Variants in MEX3D observed in about 807,000 individuals in gnomAD.
MEX3D encodes mex-3 RNA binding family member D, also known as RNA-binding protein MEX3D.
MEX3D carries 4 observed loss-of-function variants against 6.3 expected under a neutral mutation model. The observed-to-expected ratio is 0.64, with a 90% CI of 0.31 to 1.46. The LOEUF (loss-of-function observed/expected upper bound fraction) is 1.46, where lower values mean the gene tolerates loss of function less well. Among genes scored for constraint, MEX3D ranks in the 40% most tolerant of loss-of-function variants. The pLI is 0.07. For synonymous variants in MEX3D, 626 were observed against 494.1 expected (o/e 1.27, Z -3.54); for missense variants, 1,038 against 994.4 (o/e 1.04, Z -0.59).
chr19:1,558,049 C>CA (rs35362564), intron 1 of MEX3D, among the ~76,000 whole-genome samples: 10,820 of 83,764 alleles, frequency 0.13, 836 homozygotes, highest in Non-Finnish European at 0.18. Context: ...GACTCCATTT[C>CA]AAAAAAAAAA....
Position 1,555,641 on chromosome 19 carries a change from G to A in MEX3D, c.1878C>T (p.Val626=). 6.3e-7 allele frequency: 1 copy of A among 1,588,922 alleles called. No individual in the cohort carries two copies. The highest frequency in any genetic ancestry group is 8.5e-7 in the Non-Finnish European group (1 of 1,170,310). Residue 626 remains valine, a synonymous_variant, in exon 2 of 2, where the codon GTC becomes GTT. Transcript: ENST00000402693. ...GHNLFCMDCA[V]RICGKSEPEC... The stretch of plus-strand genomic sequence containing the variant: ...CGGGCTCGCTCTTGCCGCAGATGCG[G>A]ACGGCGCAGTCCATGCAGAAGAGGT...
At chr19:1,557,396 C>G (rs1429257022) in intron 1 of MEX3D, among the ~76,000 whole-genome samples, 1 of 151,164 alleles carries the variant, frequency 6.6e-6, no homozygotes, top group Non-Finnish European at 1.5e-5. Flanking sequence ...GAAACCCTGT[C>G]TCTACTAAAA....
In MEX3D at chr19:1,556,592, C is replaced by T; in HGVS notation, c.927G>A (p.Thr309=). The part of the protein sequence containing the change: ...IQQRTHTYIV[T]PGRDKEPVFA... Reference sequence around the variant, plus strand: ...ACACCGGCTCCTTGTCGCGCCCGGGCGTCACGATGTAGGTGTGCGTCCGCT... The same window carrying T: ...ACACCGGCTCCTTGTCGCGCCCGGGTGTCACGATGTAGGTGTGCGTCCGCT... The change falls in exon 2 of 2, where the codon ACG becomes ACA. Residue 309 remains threonine, a synonymous_variant. Transcript: ENST00000402693. This position sits in a 1 kb window ranked among gnomAD's most constrained non-coding sequence, Gnocchi z 7.5. 2 of 1,609,358 alleles carry T rather than the reference C, an allele frequency of 1.2e-6. No individual in the cohort carries two copies. The highest frequency in any genetic ancestry group is 1.7e-6 in the Non-Finnish European group (2 of 1,178,794).
intron 1 of MEX3D, among the ~76,000 whole-genome samples, chr19:1,566,029 G>A (rs1419903318): frequency 6.6e-6 from 1 of 152,216 alleles, no homozygotes; most frequent in Non-Finnish European, 1.5e-5. Context: ...CGGCTTGGAC[G>A]CCTGTCTCCA....
In MEX3D at chr19:1,567,596, C is replaced by G; in HGVS notation, c.463G>C (p.Ala155Pro). 1.4e-6 allele frequency: 2 copies of G among 1,441,128 alleles called. No homozygotes were observed. The highest frequency in any genetic ancestry group is 1.8e-6 in the Non-Finnish European group (2 of 1,093,564). The allele number at this position is 1,441,128 out of a possible 1,614,324, so 89.3% of individuals were successfully genotyped here. A position where few individuals can be genotyped will look rare whatever the true frequency, so the allele number is the denominator to read the frequency against. Residue 155 changes from alanine (A) to proline (P), a missense_variant, in exon 1 of 2, where the codon GCG becomes CCG. Transcript: ENST00000402693. The surrounding 1 kb of genome is among the most constrained non-coding windows in gnomAD (Gnocchi z 6.5). ...AGCAGCGTCGGGGGCCCCAGGGCCG[C>G]GGGGTGGGGCGCGAAGCCCGCGAAC... Reference protein sequence around the residue: ...DVFAGFAPHPAALGPPTLLAD... With the variant: ...DVFAGFAPHPPALGPPTLLAD...
In MEX3D at chr19:1,568,004, C is replaced by T; in HGVS notation, c.55G>A (p.Gly19Ser). The change falls in exon 1 of 2, where the codon GGC becomes AGC. Residue 19 changes from glycine (G) to serine (S), a missense_variant. By Grantham distance (56) the Gly-to-Ser change is moderately conservative. Transcript: ENST00000402693. ...DGGGGGGGGG[G>S]GVGAAGEDPG... Reference sequence around the variant, plus strand: ...TCCTCCCCCGCCGCCCCCACGCCGCCGCCGCCGCCGCCCCCGCCCCCGCCG... The same window carrying T: ...TCCTCCCCCGCCGCCCCCACGCCGCTGCCGCCGCCGCCCCCGCCCCCGCCG... 1.0e-6 allele frequency: 1 copy of T among 978,702 alleles called. No individual in the cohort carries two copies. Among genetic ancestry groups the T allele is most frequent in the Non-Finnish European group, 1.2e-6 (1 of 827,578 alleles). 60.6% of individuals were successfully genotyped at this position (978,702 alleles called of 1,614,324 possible).
chr19:1,568,071 C>T lies in MEX3D; in HGVS notation c.-13G>A. On this transcript the variant is annotated 5_prime_UTR_variant, in exon 1 of 2. Coordinates refer to ENST00000402693, the MANE Select transcript of MEX3D (RefSeq NM_203304.4). ...GCGAGCTGGGCATGGCGGGAGCTAG[C>T]GCTGGGGCCCGCGCTCCTGCCGCCC... is the stretch of plus-strand genomic sequence containing the variant. 3.1e-6 allele frequency: 3 copies of T among 978,218 alleles called. No individual in the cohort carries two copies. Among genetic ancestry groups the T allele is most frequent in the Non-Finnish European group, 3.6e-6 (3 of 827,656 alleles). The allele number at this position is 978,218 out of a possible 1,614,324, so 60.6% of individuals were successfully genotyped here.
rs1914484613 is a variant in MEX3D, at chr19:1,555,277, A to C, written c.*286T>G. 1 of 1,532,952 alleles carries C rather than the reference A, an allele frequency of 6.5e-7. No individual in the cohort carries two copies. Among genetic ancestry groups the C allele is most frequent in the Non-Finnish European group, 8.9e-7 (1 of 1,129,204 alleles). The allele number at this position is 1,532,952 out of a possible 1,614,324, so 95.0% of individuals were successfully genotyped here. ...GGGAGGGGTGTCTAAAAATAAGAAA[A>C]CTAAAAAAAGTGCAAGCGGACCTTT... On this transcript the variant is annotated 3_prime_UTR_variant, in exon 2 of 2. Coordinates refer to ENST00000402693, the MANE Select transcript of MEX3D (RefSeq NM_203304.4).
At chr19:1,561,660 G>A (rs952275995) in intron 1 of MEX3D, among the ~76,000 whole-genome samples, 2 of 151,938 alleles carry the variant, frequency 1.3e-5, no homozygotes, top group African/African-American at 4.8e-5. Context: ...AACATAGCAA[G>A]ATCCTGTCTC....
chr19:1,561,972 C>G (rs934880981), intron 1 of MEX3D, among the ~76,000 whole-genome samples: 1 of 151,886 alleles, frequency 6.6e-6, no homozygotes, highest in Non-Finnish European at 1.5e-5. Flanking sequence ...TAAAAATTAG[C>G]CAGGTGTGGC....
intron 1 of MEX3D, among the ~76,000 whole-genome samples, chr19:1,565,083 G>A (rs1466724964): frequency 6.6e-6 from 1 of 152,078 alleles, no homozygotes; most frequent in East Asian, 1.9e-4. Context: ...GTGACCTGGA[G>A]CTGGGATTAA....
chr19:1,563,969 A>G (rs1914779694), intron 1 of MEX3D, among the ~76,000 whole-genome samples: 1 of 151,042 alleles, frequency 6.6e-6, no homozygotes. Flanking sequence ...CACCATGCCT[A>G]ATTTTTGTAT....
In MEX3D at chr19:1,568,274, GCGGCGGCGGCGA is replaced by G. The variant is rs1041839566; in HGVS notation, c.-228_-217del. On this transcript the variant is annotated 5_prime_UTR_variant, in exon 1 of 2. Transcript: ENST00000402693. Reference sequence around the variant, plus strand: ...CGGCAGCGACTCTGGCTGCGGCTCGGCGGCGGCGGCGACGGCGGCGGCGGCTCCTCGGCGGCC... The same window carrying G: ...CGGCAGCGACTCTGGCTGCGGCTCGGCGGCGGCGGCGGCTCCTCGGCGGCC... 2.1e-5 allele frequency among the ~76,000 whole-genome samples: 3 copies of G among 141,448 alleles called. No homozygotes were observed. Among genetic ancestry groups the G allele is most frequent in the East Asian group, 2.1e-4 (1 of 4,710 alleles). The allele number at this position is 141,448 out of a possible 152,430, so 92.8% of individuals were successfully genotyped here. A position where few individuals can be genotyped will look rare whatever the true frequency, so the allele number is the denominator to read the frequency against.
intron 1 of MEX3D, among the ~76,000 whole-genome samples, chr19:1,565,435 AG>A (rs1330028342): frequency 6.6e-6 from 1 of 152,150 alleles, no homozygotes; most frequent in African/African-American, 2.4e-5. Context: ...CCAGCTACTC[AG>A]GAGGCTGAGG....
In MEX3D at chr19:1,554,925, A is replaced by AAAAT. The variant is rs1176822677; in HGVS notation, c.*634_*637dup. The stretch of plus-strand genomic sequence containing the variant: ...TAAAAAGTAAAAGTAAAAAAAAAAA[A>AAAAT]AAATTAAAAAAATTTTAAAAATGAC... On this transcript the variant is annotated 3_prime_UTR_variant, in exon 2 of 2. Coordinates refer to ENST00000402693, the MANE Select transcript of MEX3D (RefSeq NM_203304.4). 6.6e-6 allele frequency: 1 copy of AAAAT among 151,146 alleles called. No individual in the cohort carries two copies. Among genetic ancestry groups the AAAAT allele is most frequent in the East Asian group, 1.9e-4 (1 of 5,188 alleles). The allele number at this position is 151,146 out of a possible 1,614,324, so 9.4% of individuals were successfully genotyped here.
Position 1,567,685 on chromosome 19 carries a change from G to A in MEX3D, c.374C>T (p.Pro125Leu). The change falls in exon 1 of 2, where the codon CCG becomes CTG. Residue 125 changes from proline (P) to leucine (L), a missense_variant. Pro to Leu is a moderately conservative substitution (Grantham distance 98). Transcript: ENST00000402693. This position sits in a 1 kb window ranked among gnomAD's most constrained non-coding sequence, Gnocchi z 6.5. ...GGGACTCGCGTTGGGGTCCAGCAGC[G>A]GCAGCGACCCGGGGGCCACGGCGGG... ...LAPAVAPGSL[P>L]LLDPNASPPP... The A allele has an allele frequency of 8.7e-7, 1 of 1,143,632 alleles. No homozygotes were observed. Among genetic ancestry groups the A allele is most frequent in the Non-Finnish European group, 1.1e-6 (1 of 925,252 alleles). 70.8% of individuals were successfully genotyped at this position (1,143,632 alleles called of 1,614,324 possible).
chr19:1,556,056 C>T lies in MEX3D; in HGVS notation c.1463G>A (p.Cys488Tyr). 2 of 1,376,390 alleles carry T rather than the reference C, an allele frequency of 1.5e-6. No homozygotes were observed. The highest frequency in any genetic ancestry group is 1.9e-6 in the Non-Finnish European group (2 of 1,063,336). 85.3% of individuals were successfully genotyped at this position (1,376,390 alleles called of 1,614,324 possible). Residue 488 changes from cysteine (C) to tyrosine (Y), a missense_variant, in exon 2 of 2, where the codon TGC becomes TAC. Physicochemically the swap from Cys to Tyr is radical, Grantham distance 194. Around this residue, in one of 5 missense-constraint regions of MEX3D, gnomAD observed 581 missense variants for 516.2 expected, o/e 1.13. Transcript: ENST00000402693. The surrounding 1 kb of genome is among the most constrained non-coding windows in gnomAD (Gnocchi z 7.5). ...RAAPLPAFSG[C>Y]STVNGAPGPP... ...TCCCGGGGCTCCGTTGACCGTGGAG[C>T]AGCCGCTGAAGGCGGGCAAGGGGGC...
At position 1,555,350 on chromosome 19, in the gene MEX3D, G is replaced by C; in HGVS notation, c.*213C>G. 1 of 1,602,072 alleles carries C rather than the reference G, an allele frequency of 6.2e-7. No individual in the cohort carries two copies. The highest frequency in any genetic ancestry group is 8.5e-7 in the Non-Finnish European group (1 of 1,173,658). On this transcript the variant is annotated 3_prime_UTR_variant, in exon 2 of 2. Transcript: ENST00000402693. ...GACCACTCAATACTGTCGTTGAAGG[G>C]CTGAGGCGCCGCCGGGCTGCGGGGT...
Position 1,556,733 on chromosome 19 carries a change from G to A in MEX3D, c.786C>T (p.Gly262=), listed in dbSNP as rs772533173. ...ATRSKAGGLP[G]AAQGPPNLPG... is the part of the protein sequence containing the mutation. ...GAAGGTTGGGCGGGCCCTGGGCGGC[G>A]CCGGGCAGACCCCCGGCCTTGCTGC... is the stretch of plus-strand genomic sequence containing the variant. Residue 262 remains glycine (G), a synonymous_variant, in exon 2 of 2, where the codon GGC becomes GGT. Coordinates refer to ENST00000402693, the MANE Select transcript of MEX3D (RefSeq NM_203304.4). The surrounding 1 kb of genome is among the most constrained non-coding windows in gnomAD (Gnocchi z 7.5). 14 of 1,611,542 alleles carry A rather than the reference G, an allele frequency of 8.7e-6. No individual in the cohort carries two copies. The East Asian group carries it at 2.7e-4, about 31-fold the overall frequency.
Sources: gnomAD v4.1 joint callset for allele counts (sites outside exome capture counted in the v4.1 genomes callset) on GRCh38, gnomAD v4.1.1 for gene constraint, gnomAD v4.1.1 regional missense constraint, Gnocchi (gnomAD v3.1) non-coding constraint, MANE v1.5 for transcripts, NCBI Gene and HGNC (gene_info 2026-07-23, HGNC 2026-07-21) for gene names.